Variants in CPQ observed in about 807,000 individuals in gnomAD.
CPQ encodes carboxypeptidase Q, also known as Ser-Met dipeptidase.
CPQ carries 37 observed loss-of-function variants against 45.7 expected under a neutral mutation model. That is an observed-to-expected ratio of 0.81 (90% CI 0.62 to 1.07). The LOEUF is 1.07. CPQ is among the 50% of genes least tolerant of loss of function. The pLI, the probability that CPQ is intolerant of heterozygous loss-of-function variation, is 0.00. For missense variants in CPQ, 537 were observed against 572.9 expected, an observed-to-expected ratio of 0.94 and a Z score of 0.64; for synonymous variants, 186 against 205.8, an observed-to-expected ratio of 0.90 and a Z score of 0.82.
intron 4 of CPQ, among the ~76,000 whole-genome samples, chr8:96,887,465 C>G (rs1402267740): frequency 6.6e-6 from 1 of 152,092 alleles, no homozygotes; most frequent in Non-Finnish European, 1.5e-5. Flanking sequence ...ACTTTAGCCC[C>G]CTTAGTCTTT....
intron 7 of CPQ, among the ~76,000 whole-genome samples, chr8:97,134,228 GGAT>G (rs1812007978): frequency 1.3e-5 from 2 of 152,200 alleles, no homozygotes; most frequent in African/African-American, 4.8e-5. Flanking sequence ...CAGGCATTGA[GGAT>G]TGGGGTGAAA....
chr8:97,100,184 G>A (rs150902776), intron 7 of CPQ, among the ~76,000 whole-genome samples: 88 of 152,330 alleles, frequency 5.8e-4, no homozygotes, highest in African/African-American at 1.9e-3. Flanking sequence ...CTAGTGTCTT[G>A]AGTAGTATCT....
intron 3 of CPQ, among the ~76,000 whole-genome samples, chr8:96,853,311 T>G (rs1391100348): frequency 6.6e-6 from 1 of 152,206 alleles, no homozygotes; most frequent in Non-Finnish European, 1.5e-5. Flanking sequence ...CTCTAATCTA[T>G]GAATCATTAT....
At chr8:97,094,016 A>G (rs182360189) in intron 7 of CPQ, among the ~76,000 whole-genome samples, 2 of 152,232 alleles carry the variant, frequency 1.3e-5, no homozygotes, top group East Asian at 3.9e-4. Flanking sequence ...GTAAGGGCAA[A>G]TAAGTTCCTC....
intron 1 of CPQ, among the ~76,000 whole-genome samples, chr8:96,740,925 T>C (rs1810078898): frequency 1.3e-5 from 2 of 152,206 alleles, no homozygotes; most frequent in Admixed American, 6.5e-5. Flanking sequence ...TAAAATTCTC[T>C]TTTTTGGTTG....
At chr8:96,703,796 G>T (rs1202185239) in intron 1 of CPQ, among the ~76,000 whole-genome samples, 4 of 152,088 alleles carry the variant, frequency 2.6e-5, no homozygotes, top group Non-Finnish European at 4.4e-5. Context: ...CCTATACTCT[G>T]TTTGGCTATA....
chr8:96,781,455 C>G (rs1009557996), intron 1 of CPQ, among the ~76,000 whole-genome samples: 1 of 152,104 alleles, frequency 6.6e-6, no homozygotes, highest in Non-Finnish European at 1.5e-5. Context: ...ATAACCCATT[C>G]CCTCAATAAA....
At position 96,808,327 on chromosome 8, in the gene CPQ, A is replaced by G. The variant is rs1290438987; in HGVS notation, c.433+22997A>G. 2.0e-5 allele frequency among the ~76,000 whole-genome samples: 3 copies of G among 152,264 alleles called. No homozygotes were observed. The East Asian group carries it at 5.8e-4, about 29-fold the overall frequency. ...GCTTGGTAGTTTAGCTGCAGCTGCC[A>G]GGTGTCTAGGCTGGCTCTTGGGAGA... On this transcript the variant is annotated intron_variant, in intron 2 of 7. Coordinates refer to ENST00000220763, the MANE Select transcript of CPQ (RefSeq NM_016134.4).
At chr8:97,127,727 A>G (rs371189924) in intron 7 of CPQ, among the ~76,000 whole-genome samples, 65 of 152,282 alleles carry the variant, frequency 4.3e-4, no homozygotes, top group Middle Eastern at 6.8e-3. Context: ...ACAAATTAAA[A>G]CCAAGACAAG....
At chr8:97,005,305 C>T (rs772653338) in intron 5 of CPQ, among the ~76,000 whole-genome samples, 1 of 151,922 alleles carries the variant, frequency 6.6e-6, no homozygotes, top group Non-Finnish European at 1.5e-5. Context: ...TGGTCTCAAT[C>T]GCCTGACTTC....
At chr8:96,964,515 G>C (rs1168476927) in intron 4 of CPQ, among the ~76,000 whole-genome samples, 1 of 151,806 alleles carries the variant, frequency 6.6e-6, no homozygotes, top group Non-Finnish European at 1.5e-5. Flanking sequence ...TGAATTGTCT[G>C]TTCATATACA....
At chr8:96,734,834 G>T (rs370547954) in intron 1 of CPQ, among the ~76,000 whole-genome samples, 2 of 152,070 alleles carry the variant, frequency 1.3e-5, no homozygotes, top group Admixed American at 1.3e-4. Flanking sequence ...TGACCTACAA[G>T]GTCTTTGTGA....
chr8:96,923,075 A>G (rs1812830378), intron 4 of CPQ, among the ~76,000 whole-genome samples: 2 of 152,180 alleles, frequency 1.3e-5, no homozygotes, highest in Admixed American at 1.3e-4. Flanking sequence ...TTCCATTGGG[A>G]ATTAATTTCC....
At chr8:96,842,360 C>G (rs1811624286) in intron 3 of CPQ, among the ~76,000 whole-genome samples, 1 of 152,096 alleles carries the variant, frequency 6.6e-6, no homozygotes, top group African/African-American at 2.4e-5. Context: ...TATGTGCCTG[C>G]TGGTGAAAAA....
intron 5 of CPQ, among the ~76,000 whole-genome samples, chr8:97,012,465 G>A (rs778611307): frequency 6.6e-6 from 1 of 152,120 alleles, no homozygotes; most frequent in African/African-American, 2.4e-5. Flanking sequence ...TTGAGGACGG[G>A]GGTCCTGGGA....
chr8:96,884,865 G>A (rs995558422), intron 4 of CPQ, among the ~76,000 whole-genome samples: 1 of 152,166 alleles, frequency 6.6e-6, no homozygotes, highest in East Asian at 1.9e-4. Context: ...TTGCTCCATA[G>A]CATACTAAAG....
Position 97,059,941 on chromosome 8 carries a change from T to C in CPQ, c.1054-6068T>C, listed in dbSNP as rs146208348. ...CATGATTAATTCAAATAGTTAGGAGTCTCTTTTCTTTCCACTTGATCTTGA... is the reference window on the plus strand; with the variant it reads ...CATGATTAATTCAAATAGTTAGGAGCCTCTTTTCTTTCCACTTGATCTTGA... On this transcript the variant is annotated intron_variant, in intron 6 of 7. Transcript: ENST00000220763. 3.3e-5 allele frequency among the ~76,000 whole-genome samples: 5 copies of C among 152,228 alleles called. No homozygotes were observed. In the East Asian group the frequency reaches 9.7e-4, roughly 29 times the overall value.
intron 4 of CPQ, among the ~76,000 whole-genome samples, chr8:96,891,358 C>T (rs1167916341): frequency 2.6e-5 from 4 of 152,186 alleles, no homozygotes; most frequent in African/African-American, 9.7e-5. Context: ...GCTGATCTCC[C>T]TGAGGAATGG....
intron 7 of CPQ, among the ~76,000 whole-genome samples, chr8:97,096,054 G>GGATGATGAT (rs59275267): frequency 2.0e-5 from 3 of 151,516 alleles, no homozygotes; most frequent in African/African-American, 4.8e-5. Flanking sequence ...GTTGTGGTGG[G>GGATGATGAT]GATGATGATG....
Sources: allele counts gnomAD v4.1 joint callset (sites outside exome capture counted in the v4.1 genomes callset), GRCh38; gene constraint gnomAD v4.1.1; transcripts MANE v1.5; gene names NCBI Gene and HGNC (gene_info 2026-07-23, HGNC 2026-07-21).